The following NEK7 variants were observed in gnomAD, a reference collection of about 807,000 sequenced individuals.
NEK7 encodes the protein NIMA related kinase 7, also known as serine/threonine-protein kinase Nek7.
NEK7 carries 18 observed loss-of-function variants against 44.6 expected under a neutral mutation model. The ratio of observed to expected loss-of-function variants is 0.40; its 90% confidence interval spans 0.28 to 0.60. The LOEUF is 0.60. Ranked by LOEUF, NEK7 falls within the 20% of genes least tolerant of loss-of-function variation. NEK7 has a pLI of 0.38. For missense variants in NEK7, 256 were observed against 366.5 expected, an observed-to-expected ratio of 0.70 and a Z score of 2.46; for synonymous variants, 130 against 121.1, an observed-to-expected ratio of 1.07 and a Z score of -0.48.
At chr1:198,249,640 A>G (rs1469631675) in intron 2 of NEK7, among the ~76,000 whole-genome samples, 1 of 151,830 alleles carries the variant, frequency 6.6e-6, no homozygotes, top group Non-Finnish European at 1.5e-5. Context: ...ATGGCCAGTG[A>G]TGGTGAGCAT....
At chr1:198,171,370 A>G (rs1664434380) in intron 1 of NEK7, among the ~76,000 whole-genome samples, 1 of 152,124 alleles carries the variant, frequency 6.6e-6, no homozygotes, top group South Asian at 2.1e-4. Context: ...ATAATTTCTA[A>G]CCACTTAGTC....
chr1:198,275,810 T>C (rs1343175588), intron 5 of NEK7, among the ~76,000 whole-genome samples: 1 of 151,440 alleles, frequency 6.6e-6, no homozygotes, highest in African/African-American at 2.4e-5. Context: ...AGACAGGCTT[T>C]TCTCATTTTA....
intron 1 of NEK7, among the ~76,000 whole-genome samples, chr1:198,231,301 GTATATATATATATATATATATA>G (rs749263549): frequency 4.6e-5 from 4 of 86,976 alleles, no homozygotes. Context: ...ATGTGTGTGT[GTATATATATATATATATATATA>G]TATATATATA....
chr1:198,278,580 T>C (rs1010154110), intron 6 of NEK7, among the ~76,000 whole-genome samples: 2 of 151,922 alleles, frequency 1.3e-5, no homozygotes, highest in Admixed American at 6.6e-5. Context: ...GTCGTGGTTT[T>C]ATATTTTATG....
intron 1 of NEK7, among the ~76,000 whole-genome samples, chr1:198,229,622 T>C (rs1230456823): frequency 1.3e-5 from 2 of 152,230 alleles, no homozygotes; most frequent in African/African-American, 4.8e-5. Context: ...GATTATTTGC[T>C]TGATGTGTGG....
intron 1 of NEK7, among the ~76,000 whole-genome samples, chr1:198,215,276 C>A (rs1287312365): frequency 6.6e-6 from 1 of 152,026 alleles, no homozygotes; most frequent in Non-Finnish European, 1.5e-5. Context: ...ATGAAGAGAA[C>A]AAAGTCACTA....
At chr1:198,273,225 C>T (rs1255328585) in intron 5 of NEK7, among the ~76,000 whole-genome samples, 2 of 151,654 alleles carry the variant, frequency 1.3e-5, no homozygotes, top group Non-Finnish European at 3.0e-5. Flanking sequence ...TCAGGCCCAT[C>T]CTACTTTACA....
intron 1 of NEK7, among the ~76,000 whole-genome samples, chr1:198,195,322 A>C (rs1665199133): frequency 1.3e-5 from 2 of 152,152 alleles, no homozygotes; most frequent in South Asian, 2.1e-4. Flanking sequence ...CATTTGTGGA[A>C]TCAACCCTTG....
At chr1:198,174,560 C>G (rs903477497) in intron 1 of NEK7, among the ~76,000 whole-genome samples, 2 of 152,050 alleles carry the variant, frequency 1.3e-5, no homozygotes, top group Non-Finnish European at 2.9e-5. Context: ...ATGACTAACT[C>G]AGGTCCTAAG....
At chr1:198,165,653 A>T (rs1313290518) in intron 1 of NEK7, among the ~76,000 whole-genome samples, 1 of 152,200 alleles carries the variant, frequency 6.6e-6, no homozygotes, top group Non-Finnish European at 1.5e-5. Flanking sequence ...TATAGCACAC[A>T]GGCAGAGTAG....
intron 2 of NEK7, among the ~76,000 whole-genome samples, chr1:198,236,591 T>C (rs1666550024): frequency 6.6e-6 from 1 of 152,164 alleles, no homozygotes; most frequent in Non-Finnish European, 1.5e-5. Context: ...CTGATGCCCT[T>C]GCTCCTATTT....
At chr1:198,284,462 G>A (rs1281449788) in intron 7 of NEK7, among the ~76,000 whole-genome samples, 1 of 152,094 alleles carries the variant, frequency 6.6e-6, no homozygotes, top group Non-Finnish European at 1.5e-5. Flanking sequence ...GAAATAGGCC[G>A]CTAGGATATC....
intron 9 of NEK7, among the ~76,000 whole-genome samples, chr1:198,298,508 A>G (rs993591810): frequency 9.9e-5 from 15 of 152,194 alleles, no homozygotes; most frequent in African/African-American, 1.9e-4. Context: ...TAAAAGTATT[A>G]TCTTTATTTG....
intron 2 of NEK7, among the ~76,000 whole-genome samples, chr1:198,252,016 C>G (rs1558078708): frequency 6.6e-6 from 1 of 152,042 alleles, no homozygotes; most frequent in Non-Finnish European, 1.5e-5. Flanking sequence ...GCATTTAGTG[C>G]TATAAATTGC....
At chr1:198,158,851 C>T (rs1664000770) in intron 1 of NEK7, among the ~76,000 whole-genome samples, 1 of 152,160 alleles carries the variant, frequency 6.6e-6, no homozygotes, top group Admixed American at 6.5e-5. Context: ...GCGGCATCCT[C>T]TATTTGGTCT....
intron 1 of NEK7, among the ~76,000 whole-genome samples, chr1:198,159,269 C>G (rs1401555775): frequency 6.6e-6 from 1 of 151,604 alleles, no homozygotes; most frequent in Non-Finnish European, 1.5e-5. Context: ...GCGGAAGGGG[C>G]GCCAGGCTGA....
At chr1:198,223,162 A>T (rs1666118313) in intron 1 of NEK7, among the ~76,000 whole-genome samples, 1 of 152,222 alleles carries the variant, frequency 6.6e-6, no homozygotes, top group Admixed American at 6.5e-5. Context: ...TTCTAAGAAC[A>T]ATGAGAGCGT....
At chr1:198,245,821 T>G (rs1310881785) in intron 2 of NEK7, among the ~76,000 whole-genome samples, 1 of 152,142 alleles carries the variant, frequency 6.6e-6, no homozygotes, top group African/African-American at 2.4e-5. Context: ...ATTAAGGAAC[T>G]TCAAGAAACT....
chr1:198,253,193 T>C lies in NEK7; in HGVS notation c.198+13T>C, dbSNP rs1025394803. 17 of 1,548,294 alleles carry C rather than the reference T, an allele frequency of 1.1e-5. No individual in the cohort carries two copies. The highest frequency in any genetic ancestry group is 1.4e-5 in the African/African-American group (1 of 72,522). On this transcript the variant is annotated intron_variant, in intron 3 of 9. Transcript: ENST00000367385. ...AAAAAAAGTGCAGGTAAGATGACTT[T>C]AATTATATAAATCAATGTAAAATTA...
Sources: gnomAD v4.1 joint callset for allele counts (sites outside exome capture counted in the v4.1 genomes callset) on GRCh38, gnomAD v4.1.1 for gene constraint, MANE v1.5 for transcripts, NCBI Gene and HGNC (gene_info 2026-07-23, HGNC 2026-07-21) for gene names.